Variants in DMD observed in about 807,000 individuals in gnomAD.
DMD encodes the protein dystrophin.
Under a neutral mutation model 330.1 loss-of-function variants are expected in DMD, and 63 were observed. That is an observed-to-expected ratio of 0.19 (90% CI 0.16 to 0.24). The LOEUF is 0.24. DMD is among the 10% of genes least tolerant of loss of function. The probability of loss-of-function intolerance (pLI) is 1.00; values close to 1 mark genes in which losing one functional copy is unlikely to be tolerated. For synonymous variants in DMD, 1,223 were observed against 959.8 expected, an observed-to-expected ratio of 1.27 and a Z score of -5.07; for missense variants, 3,344 against 2,684.1, an observed-to-expected ratio of 1.25 and a Z score of -5.43.
chrX:31,934,189 T>C (rs1203100195), intron 45 of DMD, among the ~76,000 whole-genome samples: 2 of 111,961 alleles, frequency 1.8e-5, no homozygotes, highest in Non-Finnish European at 1.9e-5. Context: ...AAGATAATGA[T>C]CTGAGTCTTG....
intron 1 of DMD, among the ~76,000 whole-genome samples, chrX:33,307,498 C>T (rs1047230744): frequency 1.7e-4 from 19 of 111,551 alleles, no homozygotes; most frequent in Admixed American, 1.3e-3. Flanking sequence ...TCGAGACCAT[C>T]CTGGCTAACA....
chrX:32,713,666 A>G (rs115418950), intron 7 of DMD, among the ~76,000 whole-genome samples: 1,892 of 112,004 alleles, frequency 0.017, 46 homozygotes, highest in African/African-American at 0.058. Context: ...TCTTCATTTT[A>G]CCATCTGAGA....
At chrX:33,154,849 T>C (rs1012075151) in intron 1 of DMD, among the ~76,000 whole-genome samples, 7 of 112,280 alleles carry the variant, frequency 6.2e-5, no homozygotes, top group Non-Finnish European at 1.1e-4. Context: ...GAATTACTCA[T>C]GTACAGAGTA....
At chrX:33,176,829 C>T (rs1457843826) in intron 1 of DMD, among the ~76,000 whole-genome samples, 2 of 110,983 alleles carry the variant, frequency 1.8e-5, no homozygotes, top group African/African-American at 3.3e-5. Flanking sequence ...CCCAGCTACT[C>T]GGGAGGCTGA....
At chrX:31,962,297 A>G (rs2095313941) in intron 45 of DMD, among the ~76,000 whole-genome samples, 1 of 111,790 alleles carries the variant, frequency 8.9e-6, no homozygotes, top group Non-Finnish European at 1.9e-5. Flanking sequence ...ATGAGGTACT[A>G]TAAAATCAAA....
chrX:31,458,514 CAAA>C (rs199537077), intron 59 of DMD, among the ~76,000 whole-genome samples: 5,590 of 53,277 alleles, frequency 0.1, 166 homozygotes, highest in East Asian at 0.26. Flanking sequence ...ATGTGATTTC[CAAA>C]AAAAAAAAAA....
chrX:31,342,695 C>T (rs2057840390), intron 61 of DMD, among the ~76,000 whole-genome samples: 2 of 111,534 alleles, frequency 1.8e-5, no homozygotes, highest in South Asian at 7.7e-4. Context: ...TCCCTTTACC[C>T]AAATATATAG....
intron 7 of DMD, among the ~76,000 whole-genome samples, chrX:32,716,457 C>A (rs1047054794): frequency 7.2e-5 from 8 of 111,571 alleles, no homozygotes; most frequent in African/African-American, 2.6e-4. Context: ...AGCCATACTT[C>A]CTGTACAGCC....
At chrX:32,795,477 T>G (rs555634048) in intron 7 of DMD, among the ~76,000 whole-genome samples, 1 of 111,946 alleles carries the variant, frequency 8.9e-6, no homozygotes, top group African/African-American at 3.2e-5. Flanking sequence ...CAAGATGGAT[T>G]AAGGATTTAA....
chrX:31,890,100 C>T (rs1323295394), intron 47 of DMD, among the ~76,000 whole-genome samples: 2 of 109,573 alleles, frequency 1.8e-5, no homozygotes, highest in African/African-American at 3.3e-5. Flanking sequence ...AAAACAGTCT[C>T]CTTCTTTTTA....
At chrX:32,355,884 A>G (rs983967946) in intron 37 of DMD, among the ~76,000 whole-genome samples, 1 of 110,757 alleles carries the variant, frequency 9.0e-6, no homozygotes, top group Non-Finnish European at 1.9e-5. Context: ...CTAAAAATGA[A>G]TATCTATATA....
At chrX:31,924,741 C>G (rs1383440366) in intron 47 of DMD, among the ~76,000 whole-genome samples, 2 of 111,826 alleles carry the variant, frequency 1.8e-5, no homozygotes, top group Non-Finnish European at 3.8e-5. Flanking sequence ...CACTTTCCAG[C>G]CAAATTTCTT....
At chrX:32,653,378 C>T (rs1214489010) in intron 9 of DMD, among the ~76,000 whole-genome samples, 1 of 111,992 alleles carries the variant, frequency 8.9e-6, no homozygotes, top group East Asian at 2.8e-4. Context: ...CTACATATGG[C>T]TAGCCAGTTT....
At chrX:33,168,996 G>GTTT (rs34169571) in intron 1 of DMD, among the ~76,000 whole-genome samples, 1 of 102,219 alleles carries the variant, frequency 9.8e-6, no homozygotes, top group Non-Finnish European at 2.0e-5. Context: ...TAGAAGATAG[G>GTTT]TTTTTTTTTT....
At chrX:31,950,115 T>C (rs909890967) in intron 45 of DMD, among the ~76,000 whole-genome samples, 14 of 111,474 alleles carry the variant, frequency 1.3e-4, no homozygotes, top group African/African-American at 3.9e-4. Context: ...TTTATTCTTT[T>C]CTAAAATAGG....
At chrX:32,131,053 C>T (rs756939900) in intron 44 of DMD, among the ~76,000 whole-genome samples, 139 of 110,470 alleles carry the variant, frequency 1.3e-3, no homozygotes, top group Middle Eastern at 4.7e-3. Context: ...GGCATGGTGG[C>T]GCATGCCTGT....
chrX:31,271,537 A>C (rs1353815660), intron 62 of DMD, among the ~76,000 whole-genome samples: 1 of 111,534 alleles, frequency 9.0e-6, no homozygotes, highest in Non-Finnish European at 1.9e-5. Context: ...AAGACAAGGA[A>C]TGGTTTGAAC....
intron 2 of DMD, among the ~76,000 whole-genome samples, chrX:32,933,381 T>C (rs72626057): frequency 0.023 from 2,571 of 111,672 alleles, 82 homozygotes; most frequent in East Asian, 0.19. Context: ...AAATGATGCT[T>C]TATTTATTCT....
At chrX:32,550,569 C>A (rs1439626706) in intron 16 of DMD, among the ~76,000 whole-genome samples, 1 of 110,567 alleles carries the variant, frequency 9.0e-6, no homozygotes, top group Non-Finnish European at 1.9e-5. Context: ...AAACGAACAT[C>A]ACAAGGAACG....
Sources: allele counts gnomAD v4.1 joint callset (sites outside exome capture counted in the v4.1 genomes callset), GRCh38; gene constraint gnomAD v4.1.1; transcripts MANE v1.5; gene names NCBI Gene and HGNC (gene_info 2026-07-23, HGNC 2026-07-21).